PC: variants seen among roughly 807,000 people sequenced by gnomAD.
PC encodes the protein pyruvate carboxylase.
A neutral mutation model predicts 107.8 loss-of-function variants in PC; 46 were observed. The observed-to-expected ratio is 0.43, with a 90% CI of 0.34 to 0.55. The LOEUF is 0.55. Ranked by LOEUF, PC falls within the 20% of genes least tolerant of loss-of-function variation. PC has a pLI of 0.04. For missense variants in PC, 1,241 were observed against 1,643.1 expected (o/e 0.76, Z 4.23); for synonymous variants, 662 against 684.7 (o/e 0.97, Z 0.52).
intron 3 of PC, among the ~76,000 whole-genome samples, chr11:66,901,738 G>GCTA (rs1168608070): frequency 6.6e-6 from 1 of 152,192 alleles, no homozygotes; most frequent in Non-Finnish European, 1.5e-5. Flanking sequence ...CTCCCAAAGT[G>GCTA]CTAGGATTAC....
At chr11:66,877,127 T>C (rs1437604421) in intron 3 of PC, among the ~76,000 whole-genome samples, 2 of 152,236 alleles carry the variant, frequency 1.3e-5, no homozygotes, top group African/African-American at 4.8e-5. Flanking sequence ...GGCTCACGCC[T>C]GTAATCCCAG....
chr11:66,928,493 C>CAA (rs879533071), intron 3 of PC, among the ~76,000 whole-genome samples: 5 of 141,946 alleles, frequency 3.5e-5, no homozygotes, highest in African/African-American at 1.3e-4. Context: ...CCTAGTAGTG[C>CAA]AAAAAAAAAA....
chr11:66,919,967 G>C (rs1029556403), intron 3 of PC: 1 of 152,212 alleles, frequency 6.6e-6, no homozygotes, highest in East Asian at 1.9e-4. Context: ...CAAATGGCTT[G>C]ATAATAGCAG....
At chr11:66,859,385 G>GC (rs1946099748) in intron 12 of PC, among the ~76,000 whole-genome samples, 2 of 152,130 alleles carry the variant, frequency 1.3e-5, no homozygotes, top group Non-Finnish European at 2.9e-5. Context: ...CACATGGCCC[G>GC]CGCCCGCGTG....
chr11:66,890,561 C>T (rs966708404), intron 3 of PC, among the ~76,000 whole-genome samples: 4 of 147,706 alleles, frequency 2.7e-5, no homozygotes, highest in Admixed American at 1.4e-4. Context: ...AGTGCAATGG[C>T]GTGATCTTGG....
chr11:66,895,686 C>T (rs1287410855), intron 3 of PC, among the ~76,000 whole-genome samples: 2 of 151,648 alleles, frequency 1.3e-5, no homozygotes, highest in African/African-American at 4.8e-5. Context: ...AGAAAAGAGA[C>T]AAAGAGATGG....
intron 3 of PC, among the ~76,000 whole-genome samples, chr11:66,938,602 T>C (rs1319252065): frequency 1.3e-5 from 2 of 152,156 alleles, no homozygotes; most frequent in Non-Finnish European, 2.9e-5. Flanking sequence ...AAATACTATA[T>C]AGAAAATTTT....
Position 66,866,181 on chromosome 11 carries a change from G to A in PC, c.1185+6C>T, listed in dbSNP as rs752241803. On this transcript the variant is annotated splice_donor_region_variant and intron_variant, in intron 11 of 22. Coordinates refer to ENST00000393960, the MANE Select transcript of PC (RefSeq NM_001040716.2). This position sits in a 1 kb window ranked among gnomAD's most constrained non-coding sequence, Gnocchi z 5.4. Reference sequence around the variant, plus strand: ...TGGCATCTCCCTCTGCTCGAGCTCCGCCCACCTCAATGCGGCCGGTGTCCG... The same window carrying A: ...TGGCATCTCCCTCTGCTCGAGCTCCACCCACCTCAATGCGGCCGGTGTCCG... The A allele has an allele frequency of 2.2e-5, 35 of 1,605,024 alleles. 1 individual carries two copies. The South Asian group carries it at 2.8e-4, about 13-fold the overall frequency.
intron 3 of PC, among the ~76,000 whole-genome samples, chr11:66,912,686 G>A (rs1565282620): frequency 6.6e-6 from 1 of 152,156 alleles, no homozygotes; most frequent in Admixed American, 6.5e-5. Context: ...TGATTCACAG[G>A]ATCCTTTTCC....
intron 3 of PC, among the ~76,000 whole-genome samples, chr11:66,879,108 G>T (rs145376104): frequency 4.1e-4 from 63 of 152,242 alleles, no homozygotes; most frequent in African/African-American, 1.5e-3. Context: ...CAGGGAGGAA[G>T]CCCCCGGCCC....
intron 3 of PC, among the ~76,000 whole-genome samples, chr11:66,882,930 G>C (rs538908089): frequency 4.5e-4 from 68 of 152,334 alleles, no homozygotes; most frequent in Non-Finnish European, 8.8e-4. Flanking sequence ...GGGCAGGGGG[G>C]GCAGAAGGGA....
At chr11:66,923,057 A>C (rs1396896340) in intron 3 of PC, among the ~76,000 whole-genome samples, 1 of 152,130 alleles carries the variant, frequency 6.6e-6, no homozygotes, top group Middle Eastern at 3.2e-3. Flanking sequence ...CGAACACACA[A>C]TAATGTGGGG....
In PC at chr11:66,871,716, G is replaced by A. The variant is rs758031778; in HGVS notation, c.292C>T (p.His98Tyr). The change falls in exon 5 of 23, where the codon CAC (histidine) becomes TAC (tyrosine). Residue 98 changes from histidine to tyrosine, a missense_variant. Transcript: ENST00000393960. This position sits in a 1 kb window ranked among gnomAD's most constrained non-coding sequence, Gnocchi z 7.4. ...GCCACCTTGATGATGTCTGGGATGT[G>A]CAGGTAGGCCTGCACGGGGGCCAGG... ...RGLAPVQAYL[H>Y]IPDIIKVAKE... 8 of 1,571,220 alleles carry A rather than the reference G, an allele frequency of 5.1e-6. No individual in the cohort carries two copies. The South Asian group carries it at 9.3e-5, about 18-fold the overall frequency.
At chr11:66,950,541 A>G (rs1039590023) in intron 3 of PC, among the ~76,000 whole-genome samples, 3 of 152,212 alleles carry the variant, frequency 2.0e-5, no homozygotes, top group African/African-American at 7.2e-5. Flanking sequence ...AGAAAGCTGA[A>G]GAGGAGGGGA....
intron 3 of PC, among the ~76,000 whole-genome samples, chr11:66,903,681 G>A (rs1176038392): frequency 3.6e-5 from 5 of 140,482 alleles, no homozygotes; most frequent in African/African-American, 1.3e-4. Flanking sequence ...CTGGGAGGCG[G>A]AGGTTGCAGT....
In PC at chr11:66,852,338, G is replaced by C; in HGVS notation, c.1825+101C>G. ...CGGTCCTTCCTCTTTGGTGTTCTTC[G>C]TGTCAGCGTCTCTAGCTTGTCCCCA... On this transcript the variant is annotated intron_variant, in intron 15 of 22. Coordinates refer to ENST00000393960, the MANE Select transcript of PC (RefSeq NM_001040716.2). This position sits in a 1 kb window ranked among gnomAD's most constrained non-coding sequence, Gnocchi z 4.7. The C allele has an allele frequency of 4.0e-6, 4 of 992,422 alleles. No individual in the cohort carries two copies. The highest frequency in any genetic ancestry group is 4.8e-5 in the East Asian group (2 of 41,534). The allele number at this position is 992,422 out of a possible 1,614,324, so 61.5% of individuals were successfully genotyped here.
intron 3 of PC, among the ~76,000 whole-genome samples, chr11:66,896,237 C>T (rs1591245426): frequency 6.6e-6 from 1 of 152,166 alleles, no homozygotes; most frequent in African/African-American, 2.4e-5. Flanking sequence ...TGCCACCATG[C>T]CTAGCTAATT....
intron 3 of PC, among the ~76,000 whole-genome samples, chr11:66,874,898 G>A (rs542442008): frequency 3.3e-5 from 5 of 152,212 alleles, no homozygotes; most frequent in Non-Finnish European, 7.3e-5. Flanking sequence ...AGGGGACACA[G>A]AAGCTGGGAC....
At position 66,866,279 on chromosome 11, in the gene PC, C is replaced by T; in HGVS notation, c.1093G>A (p.Glu365Lys). The T allele has an allele frequency of 6.2e-7, 1 of 1,613,286 alleles. No homozygotes were observed. The highest frequency in any genetic ancestry group is 8.5e-7 in the Non-Finnish European group (1 of 1,179,898). Residue 365 changes from glutamate to lysine, a missense_variant, in exon 11 of 23, where the codon GAG (glutamate) becomes AAG (lysine). Coordinates refer to ENST00000393960, the MANE Select transcript of PC (RefSeq NM_001040716.2). The surrounding 1 kb of genome is among the most constrained non-coding windows in gnomAD (Gnocchi z 5.4). ...GCACACCCGTTGATGCGGATGTTCT[C>T]CTGCCGCAGGCCCAGGTCGGGTAGG... ...RSLPDLGLRQ[E>K]NIRINGCAIQ...
Sources: allele counts gnomAD v4.1 joint callset (sites outside exome capture counted in the v4.1 genomes callset), GRCh38; gene constraint gnomAD v4.1.1; non-coding constraint Gnocchi (gnomAD v3.1); transcripts MANE v1.5; gene names NCBI Gene and HGNC (gene_info 2026-07-23, HGNC 2026-07-21).